The following SRD5A2 variants were observed in gnomAD, a reference collection of about 807,000 sequenced individuals.
SRD5A2 encodes the protein steroid 5 alpha-reductase 2.
A neutral mutation model predicts 27.4 loss-of-function variants in SRD5A2; 30 were observed. That is an observed-to-expected ratio of 1.10 (90% CI 0.82 to 1.49). The LOEUF is 1.49. Ranked by LOEUF, SRD5A2 falls within the 40% of genes most tolerant of loss-of-function variation. SRD5A2 has a pLI of 0.00. For synonymous variants in SRD5A2, 141 were observed against 133.6 expected, an observed-to-expected ratio of 1.06 and a Z score of -0.38; for missense variants, 348 against 323.4, an observed-to-expected ratio of 1.08 and a Z score of -0.58.
the SRD5A2 span, among the ~76,000 whole-genome samples, chr2:31,661,476 C>A: frequency 6.6e-6 from 1 of 152,154 alleles, no homozygotes; most frequent in Non-Finnish European, 1.5e-5. Flanking sequence ...AGGAGACACT[C>A]TATCTTCCAA....
chr2:31,542,878 A>G (rs934857678), intron 1 of SRD5A2, among the ~76,000 whole-genome samples: 3 of 152,182 alleles, frequency 2.0e-5, no homozygotes, highest in Non-Finnish European at 2.9e-5. Flanking sequence ...TAGAGAGAAT[A>G]TAGGAAGAAA....
the SRD5A2 span, among the ~76,000 whole-genome samples, chr2:31,643,167 A>G: frequency 6.6e-6 from 1 of 152,140 alleles, no homozygotes; most frequent in Non-Finnish European, 1.5e-5. Flanking sequence ...ATTTCATTAT[A>G]TATGAAATTT....
the SRD5A2 span, among the ~76,000 whole-genome samples, chr2:31,596,844 G>T: frequency 1.3e-5 from 2 of 152,082 alleles, no homozygotes; most frequent in Admixed American, 1.3e-4. Context: ...GGAATCATAG[G>T]TGACACAAAT....
At chr2:31,627,690 A>G in the SRD5A2 span, among the ~76,000 whole-genome samples, 2 of 152,082 alleles carry the variant, frequency 1.3e-5, no homozygotes, top group African/African-American at 4.8e-5. Flanking sequence ...TTCATTTCAA[A>G]GAATTTCTTG....
the SRD5A2 span, among the ~76,000 whole-genome samples, chr2:31,590,791 C>A: frequency 3.3e-5 from 5 of 152,160 alleles, no homozygotes; most frequent in Admixed American, 2.0e-4. Flanking sequence ...ATATAACTAT[C>A]TGATCTTTGA....
chr2:31,550,191 T>C (rs1666355684), intron 1 of SRD5A2, among the ~76,000 whole-genome samples: 1 of 146,528 alleles, frequency 6.8e-6, no homozygotes, highest in Non-Finnish European at 1.5e-5. Flanking sequence ...ACATTCATCT[T>C]TGTTTTTTGT....
the SRD5A2 span, among the ~76,000 whole-genome samples, chr2:31,648,476 C>G: frequency 6.6e-6 from 1 of 152,170 alleles, no homozygotes; most frequent in Non-Finnish European, 1.5e-5. Context: ...GAAGCTTGAG[C>G]TAGACAGAGT....
At chr2:31,541,512 G>A (rs1245098432) in intron 1 of SRD5A2, among the ~76,000 whole-genome samples, 4 of 152,144 alleles carry the variant, frequency 2.6e-5, no homozygotes, top group Non-Finnish European at 4.4e-5. Flanking sequence ...AAGAGGGAGG[G>A]TGGAGCAAGA....
In SRD5A2 at chr2:31,525,558, C is replaced by T. The variant is rs1665759215; in HGVS notation, c.*638G>A. The T allele has an allele frequency of 4.4e-6, 1 of 225,416 alleles. No homozygotes were observed. Among genetic ancestry groups the T allele is most frequent in the Admixed American group, 5.7e-5 (1 of 17,508 alleles). 14.0% of individuals were successfully genotyped at this position (225,416 alleles called of 1,614,324 possible). A position where few individuals can be genotyped will look rare whatever the true frequency, so the allele number is the denominator to read the frequency against. ...TCTTCTGGAAAACAGAGGCACTCAT[C>T]AACTAAGACACTGCACAAATTTGAA... On this transcript the variant is annotated 3_prime_UTR_variant, in exon 5 of 5. Transcript: ENST00000622030.
chr2:31,541,538 T>C (rs2366062), intron 1 of SRD5A2, among the ~76,000 whole-genome samples: 152,259 of 152,270 alleles, frequency 1, 76,124 homozygotes, highest in Middle Eastern at 1. Context: ...AAACTGAACC[T>C]TGCAACAATG....
chr2:31,556,715 C>G (rs1269333594), intron 1 of SRD5A2, among the ~76,000 whole-genome samples: 1 of 152,218 alleles, frequency 6.6e-6, no homozygotes, highest in African/African-American at 2.4e-5. Context: ...TTTCAGACTT[C>G]TGGCCTTCAG....
At chr2:31,639,362 T>C in the SRD5A2 span, among the ~76,000 whole-genome samples, 2 of 152,148 alleles carry the variant, frequency 1.3e-5, no homozygotes, top group Admixed American at 1.3e-4. Flanking sequence ...ACTATAGTTA[T>C]GAGGAATTGC....
At chr2:31,637,024 T>C in the SRD5A2 span, among the ~76,000 whole-genome samples, 2 of 152,152 alleles carry the variant, frequency 1.3e-5, no homozygotes, top group Non-Finnish European at 2.9e-5. Context: ...TTCCATTTTT[T>C]TGAAAAGTTT....
At chr2:31,618,360 T>C in the SRD5A2 span, among the ~76,000 whole-genome samples, 1 of 152,048 alleles carries the variant, frequency 6.6e-6, no homozygotes, top group East Asian at 1.9e-4. Context: ...AACTGATATG[T>C]TGAAGAGGTA....
chr2:31,556,350 C>A (rs1666494608), intron 1 of SRD5A2, among the ~76,000 whole-genome samples: 5 of 152,000 alleles, frequency 3.3e-5, no homozygotes, highest in Admixed American at 3.3e-4. Flanking sequence ...GAATGGTAGA[C>A]CCCAAAAAGA....
the SRD5A2 span, among the ~76,000 whole-genome samples, chr2:31,660,104 A>G: frequency 6.6e-6 from 1 of 151,968 alleles, no homozygotes; most frequent in Non-Finnish European, 1.5e-5. Flanking sequence ...CCATATCTCT[A>G]CTTAATTAAA....
chr2:31,587,307 G>A, the SRD5A2 span, among the ~76,000 whole-genome samples: 81 of 152,302 alleles, frequency 5.3e-4, no homozygotes, highest in Non-Finnish European at 1.1e-3. Flanking sequence ...TTGTTGGTGG[G>A]AGTGTAAATT....
chr2:31,623,969 G>T, the SRD5A2 span, among the ~76,000 whole-genome samples: 1 of 152,080 alleles, frequency 6.6e-6, no homozygotes, highest in African/African-American at 2.4e-5. Flanking sequence ...GATCGTGTTG[G>T]ATAAGCTTCA....
the SRD5A2 span, among the ~76,000 whole-genome samples, chr2:31,614,173 CCCTTCAG>C: frequency 6.6e-6 from 1 of 152,186 alleles, no homozygotes; most frequent in Non-Finnish European, 1.5e-5. Flanking sequence ...CATGGCAAGT[CCCTTCAG>C]CCTATGAGCC....
Sources: gnomAD v4.1 joint callset for allele counts (sites outside exome capture counted in the v4.1 genomes callset) on GRCh38, gnomAD v4.1.1 for gene constraint, MANE v1.5 for transcripts, NCBI Gene and HGNC (gene_info 2026-07-23, HGNC 2026-07-21) for gene names.